The following TLN2 variants were observed in gnomAD, a reference collection of about 807,000 sequenced individuals.
The protein encoded by TLN2 is talin 2.
TLN2 carries 118 observed loss-of-function variants against 294.7 expected under a neutral mutation model. That is an observed-to-expected ratio of 0.40 (90% confidence interval 0.34 to 0.47). The LOEUF is 0.47. Ranked by LOEUF, TLN2 falls within the 20% of genes least tolerant of loss-of-function variation. The pLI, the probability that TLN2 is intolerant of heterozygous loss-of-function variation, is 0.84. For missense variants in TLN2, 3,083 were observed against 3,282.2 expected (o/e 0.94, Z 1.48); for synonymous variants, 1,431 against 1,304.5 (o/e 1.10, Z -2.09).
At chr15:62,509,245 G>C (rs2039801525) in intron 1 of TLN2, among the ~76,000 whole-genome samples, 1 of 151,536 alleles carries the variant, frequency 6.6e-6, no homozygotes, top group Admixed American at 6.6e-5. Flanking sequence ...CATAAAAATG[G>C]ATTGGCTTAT....
intron 51 of TLN2, 145 bp downstream of exon 51, chr15:62,805,930 C>A: frequency 1.1e-6 from 1 of 885,960 alleles, no homozygotes; most frequent in African/African-American, 1.7e-5. Context: ...TGGCTTATGC[C>A]TGAAATCCCA....
At chr15:62,684,044 G>C (rs1185985954) in intron 11 of TLN2, 1 of 152,370 alleles carries the variant, frequency 6.6e-6, no homozygotes, top group Non-Finnish European at 1.5e-5. Flanking sequence ...CTTGATGGTG[G>C]TCTCTGTTGC....
Position 62,792,664 on chromosome 15 carries a change from T to C in TLN2, c.5760T>C (p.Arg1920=). 6.2e-7 allele frequency: 1 copy of C among 1,613,714 alleles called. No homozygotes were observed. The highest frequency in any genetic ancestry group is 8.5e-7 in the Non-Finnish European group (1 of 1,179,990). ...PEEIGFQIRT[R]VQDLGHGCIF... Reference sequence around the variant, plus strand: ...AGATCGGATTCCAGATTCGCACTCGTGTGCAGGACCTGGGCCACGGCTGTA... The same window carrying C: ...AGATCGGATTCCAGATTCGCACTCGCGTGCAGGACCTGGGCCACGGCTGTA... The change falls in exon 46 of 59, where the codon CGT becomes CGC. Residue 1920 remains arginine, a synonymous_variant. Coordinates refer to ENST00000636159, the MANE Select transcript of TLN2 (RefSeq NM_015059.3).
intron 1 of TLN2, among the ~76,000 whole-genome samples, chr15:62,492,643 A>G (rs1177052043): frequency 1.3e-5 from 2 of 151,842 alleles, no homozygotes; most frequent in East Asian, 3.8e-4. Flanking sequence ...GCCCTATGTC[A>G]GTTTCCTTTT....
chr15:62,481,002 G>T (rs2038057417), intron 1 of TLN2, among the ~76,000 whole-genome samples: 1 of 152,198 alleles, frequency 6.6e-6, no homozygotes, highest in Non-Finnish European at 1.5e-5. Flanking sequence ...AATTTTACCT[G>T]CAGCCTGTGG....
chr15:62,535,437 A>G (rs538522853), intron 1 of TLN2, among the ~76,000 whole-genome samples: 1 of 151,456 alleles, frequency 6.6e-6, no homozygotes, highest in South Asian at 2.1e-4. Context: ...GAGACCAGCC[A>G]GGACAGCATA....
At chr15:62,533,655 C>A (rs754476739) in intron 1 of TLN2, among the ~76,000 whole-genome samples, 2 of 151,954 alleles carry the variant, frequency 1.3e-5, no homozygotes, top group Non-Finnish European at 2.9e-5. Flanking sequence ...GAAATTTACC[C>A]CCCATAAAAA....
chr15:62,640,218 G>A (rs1403479796), intron 3 of TLN2: 1 of 455,954 alleles, frequency 2.2e-6, no homozygotes, highest in Non-Finnish European at 4.4e-6. Flanking sequence ...GTGGAGAAGG[G>A]GAAGCTCTTT....
chr15:62,646,459 G>A (rs2051857034), intron 3 of TLN2, among the ~76,000 whole-genome samples: 1 of 152,204 alleles, frequency 6.6e-6, no homozygotes. Context: ...ACTGCACCCA[G>A]CCACCTGTGT....
intron 1 of TLN2, among the ~76,000 whole-genome samples, chr15:62,450,374 C>G (rs992525568): frequency 6.6e-6 from 1 of 152,132 alleles, no homozygotes; most frequent in Non-Finnish European, 1.5e-5. Context: ...CTTTAGTTAA[C>G]TCGGGCACGA....
At chr15:62,418,532 C>T (rs1455938922) in intron 1 of TLN2, among the ~76,000 whole-genome samples, 3 of 152,116 alleles carry the variant, frequency 2.0e-5, no homozygotes, top group Non-Finnish European at 4.4e-5. Context: ...AAATTTAAAA[C>T]TAGTTATTGG....
intron 1 of TLN2, among the ~76,000 whole-genome samples, chr15:62,555,572 G>T (rs545238102): frequency 6.6e-6 from 1 of 152,260 alleles, no homozygotes; most frequent in South Asian, 2.1e-4. Flanking sequence ...TATGTCTTCT[G>T]AGTTTTGTAA....
At chr15:62,623,158 G>A (rs1035585505) in intron 3 of TLN2, among the ~76,000 whole-genome samples, 8 of 152,226 alleles carry the variant, frequency 5.3e-5, no homozygotes. Context: ...ATCTGTGCGG[G>A]AGTGGAAAAG....
chr15:62,663,585 A>G (rs529539999), intron 9 of TLN2, among the ~76,000 whole-genome samples: 3,754 of 150,482 alleles, frequency 0.025, 75 homozygotes, highest in South Asian at 0.053. Context: ...GGTCTTTAGA[A>G]AAAAAAAAAT....
In TLN2 at chr15:62,679,566, AG is replaced by A. The variant is rs149817633; in HGVS notation, c.957+4246del. On this transcript the variant is annotated intron_variant, in intron 11 of 58. Transcript: ENST00000636159. Reference sequence around the variant, plus strand: ...TTATGTGAAGTGCCCAGAAGAGGCAAGTCTATAGAGACAGAAAGAAGGTTAG... The same window carrying A: ...TTATGTGAAGTGCCCAGAAGAGGCAATCTATAGAGACAGAAAGAAGGTTAG... Among the ~76,000 whole-genome samples, 75 of 152,378 alleles carry A rather than the reference AG, an allele frequency of 4.9e-4. 1 individual carries two copies. In the East Asian group the frequency reaches 6.9e-3, roughly 14 times the overall value.
At chr15:62,478,306 A>C (rs2037897036) in intron 1 of TLN2, among the ~76,000 whole-genome samples, 1 of 152,140 alleles carries the variant, frequency 6.6e-6, no homozygotes, top group Non-Finnish European at 1.5e-5. Flanking sequence ...TTTTACAGCT[A>C]GTGGCGAGAT....
intron 24 of TLN2, among the ~76,000 whole-genome samples, chr15:62,719,122 C>T (rs909922282): frequency 9.2e-5 from 14 of 152,286 alleles, no homozygotes; most frequent in Non-Finnish European, 1.8e-4. Context: ...AGAAAGGAAA[C>T]AGGGACAGAA....
At chr15:62,608,838 G>C (rs1262655344) in intron 2 of TLN2, among the ~76,000 whole-genome samples, 1 of 152,084 alleles carries the variant, frequency 6.6e-6, no homozygotes, top group Non-Finnish European at 1.5e-5. Context: ...AGGAGTGGGG[G>C]ACTAGGAGAG....
At chr15:62,754,734 C>T (rs925820349) in intron 36 of TLN2, 9 of 152,266 alleles carry the variant, frequency 5.9e-5, no homozygotes, top group African/African-American at 2.2e-4. Flanking sequence ...CTTACCCATC[C>T]AGCAAGGCCA....
Sources: gnomAD v4.1 joint callset for allele counts (sites outside exome capture counted in the v4.1 genomes callset) on GRCh38, gnomAD v4.1.1 for gene constraint, MANE v1.5 for transcripts, NCBI Gene and HGNC (gene_info 2026-07-23, HGNC 2026-07-21) for gene names.